INSR: variants seen among roughly 807,000 people sequenced by gnomAD.
The protein encoded by INSR is insulin receptor.
Under a neutral mutation model 142.6 loss-of-function variants are expected in INSR, and 67 were observed. That is an observed-to-expected ratio of 0.47 (90% CI 0.39 to 0.58). INSR has a LOEUF of 0.58. Ranked by LOEUF, INSR falls within the 20% of genes least tolerant of loss-of-function variation. The pLI is 0.00. For missense variants in INSR, 1,248 were observed against 1,833.2 expected (o/e 0.68, Z 5.83); for synonymous variants, 756 against 743.1 (o/e 1.02, Z -0.28).
At chr19:7,284,662 C>T (rs1048512102) in intron 1 of INSR, among the ~76,000 whole-genome samples, 6 of 151,914 alleles carry the variant, frequency 3.9e-5, no homozygotes, top group Non-Finnish European at 5.9e-5. Flanking sequence ...CGGAGTAGCT[C>T]GGACTACAGG....
In INSR at chr19:7,184,356, T is replaced by G. The variant is rs1409790567; in HGVS notation, c.934A>C (p.Ile312Leu). The G allele has an allele frequency of 4.3e-6, 7 of 1,614,044 alleles. No homozygotes were observed. Among genetic ancestry groups the G allele is most frequent in the African/African-American group, 1.3e-5 (1 of 75,006 alleles). The change falls in exon 3 of 22, where the codon ATC (isoleucine) becomes CTC (leucine). Residue 312 changes from isoleucine to leucine, a missense_variant. By Grantham distance (5) the Ile-to-Leu change is conservative. This residue lies in a region of INSR where 1,069 missense variants were observed against 1,654.0 expected (regional missense o/e 0.65). Coordinates refer to ENST00000302850, the MANE Select transcript of INSR (RefSeq NM_000208.4). ...HQYVIHNNKC[I>L]PECPSGYTMN... ...GTGTACCCGGAGGGACACTCAGGGA[T>G]GCACTTGTTGTTGTGAATGACGTAC...
intron 1 of INSR, among the ~76,000 whole-genome samples, chr19:7,288,950 G>GAAAA (rs34590794): frequency 5.6e-5 from 5 of 88,686 alleles, no homozygotes; most frequent in African/African-American, 1.7e-4. Flanking sequence ...GTGAAGAAGT[G>GAAAA]AAAAAAAAAA....
intron 2 of INSR, among the ~76,000 whole-genome samples, chr19:7,247,788 G>A (rs925388354): frequency 6.6e-6 from 1 of 152,216 alleles, no homozygotes; most frequent in Admixed American, 6.5e-5. Flanking sequence ...ATCATGGAAT[G>A]AAAAGTTCTA....
intron 2 of INSR, among the ~76,000 whole-genome samples, chr19:7,198,043 G>C (rs561310242): frequency 1.8e-4 from 27 of 151,760 alleles, no homozygotes; most frequent in East Asian, 5.8e-4. Context: ...GGGCGTGTGT[G>C]TGTGTCTGCG....
At chr19:7,249,795 A>T (rs1425867283) in intron 2 of INSR, among the ~76,000 whole-genome samples, 9 of 152,182 alleles carry the variant, frequency 5.9e-5, no homozygotes, top group Admixed American at 2.6e-4. Context: ...GATCGAGACC[A>T]TCCTGGCTAA....
At chr19:7,134,462 T>TA (rs397790911) in intron 13 of INSR, among the ~76,000 whole-genome samples, 13 of 151,494 alleles carry the variant, frequency 8.6e-5, no homozygotes, top group South Asian at 6.3e-4. Context: ...TTTTTTTTTT[T>TA]AATCATTATA....
At position 7,192,142 on chromosome 19, in the gene INSR, G is replaced by A; in HGVS notation, c.653-7505C>T. Among the ~76,000 whole-genome samples the A allele has an allele frequency of 7.1e-6, 1 of 140,352 alleles. No individual in the cohort carries two copies. The highest frequency in any genetic ancestry group is 2.3e-4 in the South Asian group (1 of 4,324). The allele number at this position is 140,352 out of a possible 152,430, so 92.1% of individuals were successfully genotyped here. ...AAAGAGGGAGAAAGAAGAAAGATAA[G>A]AGAGAGAGAAAGAGAAAGAAAAAGA... is the stretch of plus-strand genomic sequence containing the variant. On this transcript the variant is annotated intron_variant, in intron 2 of 21. Coordinates refer to ENST00000302850, the MANE Select transcript of INSR (RefSeq NM_000208.4). The surrounding 1 kb of genome is among the most constrained non-coding windows in gnomAD (Gnocchi z 4.2).
At chr19:7,280,859 C>T (rs1568236472) in intron 1 of INSR, among the ~76,000 whole-genome samples, 1 of 151,802 alleles carries the variant, frequency 6.6e-6, no homozygotes, top group African/African-American at 2.4e-5. Context: ...TGCCACTGCA[C>T]TGCACTCCAG....
chr19:7,234,843 G>A (rs2145135540), intron 2 of INSR, among the ~76,000 whole-genome samples: 1 of 151,770 alleles, frequency 6.6e-6, no homozygotes, highest in African/African-American at 2.4e-5. Context: ...GTGGACACGA[G>A]GTCAGGAGAT....
At chr19:7,261,281 G>A (rs776694648) in intron 2 of INSR, among the ~76,000 whole-genome samples, 5 of 152,098 alleles carry the variant, frequency 3.3e-5, no homozygotes, top group Admixed American at 6.6e-5. Context: ...TAGACTGGCC[G>A]CTCTGAGGAG....
chr19:7,177,519 GTTTTGT>G (rs546261247), intron 3 of INSR, among the ~76,000 whole-genome samples: 5 of 151,480 alleles, frequency 3.3e-5, no homozygotes, highest in African/African-American at 1.2e-4. Flanking sequence ...TGGTTTTTTT[GTTTTGT>G]TTTTGTTTTT....
chr19:7,168,960 C>G lies in INSR; in HGVS notation c.1484-866G>C, dbSNP rs1973950638. 6.6e-6 allele frequency among the ~76,000 whole-genome samples: 1 copy of G among 152,206 alleles called. No homozygotes were observed. Among genetic ancestry groups the G allele is most frequent in the African/African-American group, 2.4e-5 (1 of 41,458 alleles). On this transcript the variant is annotated intron_variant, in intron 6 of 21. Transcript: ENST00000302850. The surrounding 1 kb of genome is among the most constrained non-coding windows in gnomAD (Gnocchi z 4.3). ...TCCCCATGAAGGTATCCCAGAAGCC[C>G]TTGGCAGCTCACTGTTTAGAATCTG...
intron 2 of INSR, among the ~76,000 whole-genome samples, chr19:7,195,360 T>G (rs1974715961): frequency 6.6e-6 from 1 of 152,166 alleles, no homozygotes; most frequent in Admixed American, 6.6e-5. Context: ...CTGCCAATGT[T>G]GGCCAGGTGT....
chr19:7,293,830 AGCGCGGCCACCGCCACCAGCAGCG>A lies in INSR; in HGVS notation c.38_61del (p.Pro13_Ala20del). The A allele has an allele frequency of 3.8e-6, 5 of 1,324,848 alleles. No individual in the cohort carries two copies. The highest frequency in any genetic ancestry group is 3.9e-6 in the Non-Finnish European group (4 of 1,036,110). 82.1% of individuals were successfully genotyped at this position (1,324,848 alleles called of 1,614,324 possible). A position where few individuals can be genotyped will look rare whatever the true frequency, so the allele number is the denominator to read the frequency against. On this transcript the variant is annotated inframe_deletion, in exon 1 of 22. Coordinates refer to ENST00000302850, the MANE Select transcript of INSR (RefSeq NM_000208.4). Reference sequence around the variant, plus strand: ...CAGGTGGCCCGCGGCGCCCAGTAGCAGCGCGGCCACCGCCACCAGCAGCGGCGCGGCCGCCGCCCCCCGCCGGCC... The same window carrying A: ...CAGGTGGCCCGCGGCGCCCAGTAGCAGCGCGGCCGCCGCCCCCCGCCGGCC...
intron 2 of INSR, among the ~76,000 whole-genome samples, chr19:7,208,120 C>G (rs1975166902): frequency 6.6e-6 from 1 of 152,078 alleles, no homozygotes; most frequent in South Asian, 2.1e-4. Context: ...TCATCTAAGT[C>G]AAAGACAACA....
rs149673888 is a variant in INSR at position 7,133,364 on chromosome 19, A to G, written c.2683-1047T>C. Among the ~76,000 whole-genome samples the G allele has an allele frequency of 2.9e-4, 44 of 152,330 alleles. No individual in the cohort carries two copies. In the East Asian group the frequency reaches 8.3e-3, roughly 29 times the overall value. On this transcript the variant is annotated intron_variant, in intron 13 of 21. Coordinates refer to ENST00000302850, the MANE Select transcript of INSR (RefSeq NM_000208.4). ...ATTGTGGAATGATTAAAACAAGCTA[A>G]TTAAATCCTCATCACTTCATGTACT...
chr19:7,293,274 C>T (rs1227330772), intron 1 of INSR, among the ~76,000 whole-genome samples: 1 of 152,202 alleles, frequency 6.6e-6, no homozygotes, highest in Non-Finnish European at 1.5e-5. Context: ...TGGCCACGGG[C>T]CTAGATCCAA....
rs887190835 is a variant in INSR, at chr19:7,141,726, T to C, written c.2633A>G (p.Asn878Ser). 4 of 1,614,068 alleles carry C rather than the reference T, an allele frequency of 2.5e-6. No homozygotes were observed. The highest frequency in any genetic ancestry group is 2.5e-6 in the Non-Finnish European group (3 of 1,180,026). Residue 878 changes from asparagine (N) to serine (S), a missense_variant, in exon 13 of 22, where the codon AAT (asparagine) becomes AGT (serine). Coordinates refer to ENST00000302850, the MANE Select transcript of INSR (RefSeq NM_000208.4). Reference sequence around the variant, plus strand: ...CACTTCATACAGCACGATCAGACCATTGGGCTCCTTCGGCTCCTGCCACAT... The same window carrying C: ...CACTTCATACAGCACGATCAGACCACTGGGCTCCTTCGGCTCCTGCCACAT... ...HLMWQEPKEPNGLIVLYEVSY... is the reference protein window; with the variant it reads ...HLMWQEPKEPSGLIVLYEVSY...
chr19:7,231,007 A>G (rs569710767), intron 2 of INSR, among the ~76,000 whole-genome samples: 43 of 152,242 alleles, frequency 2.8e-4, no homozygotes, highest in Middle Eastern at 3.4e-3. Flanking sequence ...GGCCTTTAGA[A>G]GCCTCCAGCC....
Sources: gnomAD v4.1 joint callset for allele counts (sites outside exome capture counted in the v4.1 genomes callset) on GRCh38, gnomAD v4.1.1 for gene constraint, gnomAD v4.1.1 regional missense constraint, Gnocchi (gnomAD v3.1) non-coding constraint, MANE v1.5 for transcripts, NCBI Gene and HGNC (gene_info 2026-07-23, HGNC 2026-07-21) for gene names.